The following CDK6 variants were observed in gnomAD, a reference collection of about 807,000 sequenced individuals.
CDK6 encodes the protein cyclin dependent kinase 6, also known as cyclin-dependent kinase 6.
In CDK6, 6 loss-of-function variants were observed where a neutral mutation model predicts 37.1. The observed-to-expected ratio is 0.16, with a 90% CI of 0.09 to 0.32. The LOEUF (loss-of-function observed/expected upper bound fraction) is 0.32, where lower values mean the gene tolerates loss of function less well. CDK6 is among the 10% of genes least tolerant of loss of function. CDK6 has a pLI of 1.00. For synonymous variants in CDK6, 160 were observed against 161.3 expected (o/e 0.99, Z 0.06); for missense variants, 224 against 418.9 (o/e 0.53, Z 4.06).
chr7:92,822,262 A>G (rs578087995), intron 2 of CDK6, among the ~76,000 whole-genome samples: 1 of 152,268 alleles, frequency 6.6e-6, no homozygotes, highest in East Asian at 1.9e-4. Flanking sequence ...TGAAAACAGT[A>G]GTGGATGAAT....
intron 6 of CDK6, 121 bp from the exon 7 acceptor site, chr7:92,618,328 C>CTTCACT (rs2116485747): frequency 1.1e-6 from 1 of 913,170 alleles, no homozygotes; most frequent in East Asian, 2.5e-5. Context: ...CCCAGGAGAC[C>CTTCACT]TTCACTTTAT....
intron 4 of CDK6, among the ~76,000 whole-genome samples, chr7:92,723,910 C>CAAAAAAAAAAAAAAAA (rs576591781): frequency 1.2e-5 from 1 of 83,750 alleles, no homozygotes. Flanking sequence ...ATTTAATAAG[C>CAAAAAAAAAAAAAAAA]AAAAAAAAAA....
chr7:92,741,711 G>A (rs1798930366), intron 3 of CDK6, among the ~76,000 whole-genome samples: 1 of 151,996 alleles, frequency 6.6e-6, no homozygotes, highest in African/African-American at 2.4e-5. Context: ...AATGTAGTAA[G>A]TCTCTGGTAA....
intron 5 of CDK6, among the ~76,000 whole-genome samples, chr7:92,659,607 G>GACACACAC (rs71722069): frequency 8.9e-5 from 13 of 146,102 alleles, no homozygotes; most frequent in African/African-American, 3.0e-4. Flanking sequence ...AAGTAGGCAT[G>GACACACAC]ACACACACAC....
rs1800617221 is a variant in CDK6, at chr7:92,802,840, G to C, written c.234-28009C>G. 1.3e-5 allele frequency among the ~76,000 whole-genome samples: 2 copies of C among 152,126 alleles called. 1 individual carries two copies. The highest frequency in any genetic ancestry group is 2.9e-5 in the Non-Finnish European group (2 of 68,014). On this transcript the variant is annotated intron_variant, in intron 2 of 7. Coordinates refer to ENST00000424848, the MANE Select transcript of CDK6 (RefSeq NM_001145306.2). ...TGGGGATACTGTCTTGTGCACTGTA[G>C]AATGTTTAGCAGCTTCCCTCACCTC...
At chr7:92,658,263 C>G (rs1260568410) in intron 5 of CDK6, among the ~76,000 whole-genome samples, 1 of 152,138 alleles carries the variant, frequency 6.6e-6, no homozygotes, top group Non-Finnish European at 1.5e-5. Flanking sequence ...ATTTACTGTA[C>G]AGAAATACCT....
chr7:92,780,792 AAAC>A (rs997476254), intron 2 of CDK6, among the ~76,000 whole-genome samples: 46 of 150,788 alleles, frequency 3.1e-4, no homozygotes, highest in South Asian at 8.3e-4. Context: ...AAAAAACAAA[AAAC>A]AACAACAACA....
intron 2 of CDK6, among the ~76,000 whole-genome samples, chr7:92,824,478 C>A (rs1270105320): frequency 6.6e-6 from 1 of 152,120 alleles, no homozygotes; most frequent in Admixed American, 6.6e-5. Flanking sequence ...TTCTCAGCAG[C>A]ATTTGGTCCA....
At chr7:92,724,119 C>T (rs1296942648) in intron 4 of CDK6, among the ~76,000 whole-genome samples, 1 of 152,082 alleles carries the variant, frequency 6.6e-6, no homozygotes, top group Non-Finnish European at 1.5e-5. Context: ...AAGCTTCTCC[C>T]CAGGGCCCCA....
intron 5 of CDK6, among the ~76,000 whole-genome samples, chr7:92,669,500 G>C (rs1275450394): frequency 6.6e-6 from 1 of 152,088 alleles, no homozygotes; most frequent in African/African-American, 2.4e-5. Flanking sequence ...TTACAGTTGA[G>C]ACTATTCTAG....
intron 3 of CDK6, among the ~76,000 whole-genome samples, chr7:92,729,960 G>C (rs959516084): frequency 1.3e-5 from 2 of 152,158 alleles, no homozygotes; most frequent in African/African-American, 2.4e-5. Context: ...GGCTGGTCTT[G>C]AATTCCTGGC....
At chr7:92,807,286 T>C (rs1800750574) in intron 2 of CDK6, among the ~76,000 whole-genome samples, 3 of 152,114 alleles carry the variant, frequency 2.0e-5, no homozygotes, top group Admixed American at 1.3e-4. Context: ...TCTATATCTA[T>C]ATGGAGACAT....
intron 6 of CDK6, among the ~76,000 whole-genome samples, chr7:92,622,206 A>G (rs1027479799): frequency 1.3e-5 from 2 of 152,158 alleles, no homozygotes; most frequent in African/African-American, 4.8e-5. Flanking sequence ...TGTCAGAAGA[A>G]GTGCCCCAGT....
intron 3 of CDK6, among the ~76,000 whole-genome samples, chr7:92,768,248 G>C (rs1799631491): frequency 1.3e-5 from 2 of 152,074 alleles, no homozygotes; most frequent in Non-Finnish European, 2.9e-5. Context: ...GTGCCAAAAA[G>C]AAAATAAACT....
intron 5 of CDK6, among the ~76,000 whole-genome samples, chr7:92,659,031 T>C (rs1217494198): frequency 6.6e-6 from 1 of 152,182 alleles, no homozygotes; most frequent in Non-Finnish European, 1.5e-5. Flanking sequence ...TGGCTGGTTT[T>C]ACATGCAAGG....
At chr7:92,649,218 C>A (rs1258372890) in intron 5 of CDK6, among the ~76,000 whole-genome samples, 5 of 152,172 alleles carry the variant, frequency 3.3e-5, no homozygotes, top group Admixed American at 2.6e-4. Context: ...TCACAGCATG[C>A]CCATTATTAT....
chr7:92,768,293 G>T (rs1033640736), intron 3 of CDK6, among the ~76,000 whole-genome samples: 1 of 152,206 alleles, frequency 6.6e-6, no homozygotes, highest in African/African-American at 2.4e-5. Context: ...AGCCTTGAAA[G>T]ATCTACTATA....
At chr7:92,634,980 A>G (rs1397742393) in intron 5 of CDK6, among the ~76,000 whole-genome samples, 1 of 152,140 alleles carries the variant, frequency 6.6e-6, no homozygotes, top group East Asian at 1.9e-4. Context: ...AAGACTCTGA[A>G]CCTCCCAGGA....
At chr7:92,686,528 G>A (rs1797458799) in intron 4 of CDK6, among the ~76,000 whole-genome samples, 1 of 151,732 alleles carries the variant, frequency 6.6e-6, no homozygotes, top group African/African-American at 2.4e-5. Context: ...TTATCCACTT[G>A]TTGACTGATG....
Sources: gnomAD v4.1 joint callset for allele counts (sites outside exome capture counted in the v4.1 genomes callset) on GRCh38, gnomAD v4.1.1 for gene constraint, MANE v1.5 for transcripts, NCBI Gene and HGNC (gene_info 2026-07-23, HGNC 2026-07-21) for gene names.